LRRC66: variants seen among roughly 807,000 people sequenced by gnomAD.
LRRC66 encodes leucine-rich repeat-containing protein 66.
Under a neutral mutation model 24.6 loss-of-function variants are expected in LRRC66, and 29 were observed. The observed-to-expected ratio is 1.18, with a 90% confidence interval of 0.88 to 1.61. LRRC66 has a LOEUF of 1.61. Ranked by LOEUF, LRRC66 falls within the 40% of genes most tolerant of loss-of-function variation. LRRC66 has a pLI of 0.00. For synonymous variants in LRRC66, 411 were observed against 397.6 expected, an observed-to-expected ratio of 1.03 and a Z score of -0.40; for missense variants, 1,124 against 1,058.0, an observed-to-expected ratio of 1.06 and a Z score of -0.87.
At chr4:52,006,919 A>G (rs1736600188) in intron 2 of LRRC66, among the ~76,000 whole-genome samples, 1 of 152,152 alleles carries the variant, frequency 6.6e-6, no homozygotes. Flanking sequence ...AACTTGCCCA[A>G]CAACACCATG....
chr4:51,995,659 G>A lies in LRRC66; in HGVS notation c.1363C>T (p.Gln455Ter). ...GGCTGTGTCACCCAGAAAGGGGTCT[G>A]GTTCTCGTAGAGGCTTAGATGAGGA... Reference protein sequence around the residue: ...VFPHLSLYENQTPFWVTQPHP... With the variant: ...VFPHLSLYEN Residue 455 changes from glutamine to a stop codon, truncating the protein, a stop_gained, in exon 5 of 5, where the codon CAG (glutamine) becomes TAG (stop). Coordinates refer to ENST00000682860, the MANE Select transcript of LRRC66 (RefSeq NM_001024611.3). LOFTEE classifies it low-confidence loss of function (END_TRUNC). The A allele has an allele frequency of 6.2e-7, 1 of 1,614,144 alleles. No individual in the cohort carries two copies.
intron 1 of LRRC66, among the ~76,000 whole-genome samples, chr4:52,018,904 T>C (rs1319372124): frequency 6.6e-6 from 1 of 152,188 alleles, no homozygotes; most frequent in African/African-American, 2.4e-5. Context: ...AAGATGGAGT[T>C]TCGCTCTTGT....
At position 51,994,978 on chromosome 4, in the gene LRRC66, C is replaced by G; in HGVS notation, c.2044G>C (p.Ala682Pro). ...GATTTCTGCACTGGTTCCTTGTTAG[C>G]AGGAGTGACATCCAGGCCACTGTCC... ...RWDSGLDVTP[A>P]NKEPVQKSTP... is the part of the protein sequence containing the mutation. Residue 682 changes from alanine (A) to proline (P), a missense_variant, in exon 5 of 5, where the codon GCT becomes CCT. Physicochemically the swap from Ala to Pro is conservative, Grantham distance 27. Coordinates refer to ENST00000682860, the MANE Select transcript of LRRC66 (RefSeq NM_001024611.3). 6.2e-7 allele frequency: 1 copy of G among 1,614,146 alleles called. No homozygotes were observed. Among genetic ancestry groups the G allele is most frequent in the Non-Finnish European group, 8.5e-7 (1 of 1,180,044 alleles).
intron 1 of LRRC66, among the ~76,000 whole-genome samples, chr4:52,019,177 CCA>C (rs1175834335): frequency 2.0e-5 from 3 of 152,286 alleles, no homozygotes; most frequent in East Asian, 3.9e-4. Flanking sequence ...ACCCGGCCAG[CCA>C]CAGTCTTGTG....
intron 2 of LRRC66, among the ~76,000 whole-genome samples, chr4:52,015,342 G>A (rs1184263811): frequency 6.6e-6 from 1 of 152,066 alleles, no homozygotes; most frequent in Non-Finnish European, 1.5e-5. Context: ...AAAAAAAAAG[G>A]GAGAAGAAAT....
At chr4:52,015,844 T>A (rs998900868) in intron 2 of LRRC66, among the ~76,000 whole-genome samples, 2 of 152,218 alleles carry the variant, frequency 1.3e-5, no homozygotes, top group African/African-American at 4.8e-5. Context: ...ATAAAGTTAT[T>A]AAAATATTCT....
At position 51,997,803 on chromosome 4, in the gene LRRC66, AT is replaced by A; in HGVS notation, c.800del (p.Asn267IlefsTer19). 1 of 1,614,110 alleles carries A rather than the reference AT, an allele frequency of 6.2e-7. No individual in the cohort carries two copies. The highest frequency in any genetic ancestry group is 8.5e-7 in the Non-Finnish European group (1 of 1,180,000). ...TTTTCCTCCAGGATTCAGAAATAAA[AT>A]TTTGAAAGACTGCCACACTATCATC... ...QCDDSVAVFQ[N>X]FISESWRKKW... On this transcript the variant is annotated frameshift_variant, in exon 4 of 5. Coordinates refer to ENST00000682860, the MANE Select transcript of LRRC66 (RefSeq NM_001024611.3). LOFTEE classifies it high-confidence loss of function.
At position 51,994,794 on chromosome 4, in the gene LRRC66, C is replaced by T; in HGVS notation, c.2228G>A (p.Ser743Asn). 6.2e-7 allele frequency: 1 copy of T among 1,614,228 alleles called. No individual in the cohort carries two copies. Among genetic ancestry groups the T allele is most frequent in the Non-Finnish European group, 8.5e-7 (1 of 1,180,020 alleles). ...GTCTACAGCCGTCACATTGTCCTTG[C>T]TTGCCCCTGAGCTCTCGTCCTGCAG... ...ESLQDESSGA[S>N]KDNVTAVDSL... is the part of the protein sequence containing the mutation. The change falls in exon 5 of 5, where the codon AGC becomes AAC. Residue 743 changes from serine to asparagine, a missense_variant. Physicochemically the swap from Ser to Asn is conservative, Grantham distance 46. Coordinates refer to ENST00000682860, the MANE Select transcript of LRRC66 (RefSeq NM_001024611.3).
chr4:52,015,196 G>A (rs1003364890), intron 2 of LRRC66, among the ~76,000 whole-genome samples: 1 of 152,120 alleles, frequency 6.6e-6, no homozygotes, highest in Non-Finnish European at 1.5e-5. Context: ...ACAGAAAGTA[G>A]GCTCCACGTT....
rs78154220 is a variant in LRRC66, at chr4:51,994,773, A to G, written c.2249T>C (p.Val750Ala). Reference sequence around the variant, plus strand: ...GGTAACATTTTCCTCAAGACTGTCTACAGCCGTCACATTGTCCTTGCTTGC... The same window carrying G: ...GGTAACATTTTCCTCAAGACTGTCTGCAGCCGTCACATTGTCCTTGCTTGC... Reference protein sequence around the residue: ...SGASKDNVTAVDSLEENVTFQ... With the variant: ...SGASKDNVTAADSLEENVTFQ... The change falls in exon 5 of 5, where the codon GTA becomes GCA. Residue 750 changes from valine (V) to alanine (A), a missense_variant. Transcript: ENST00000682860. 3.1e-6 allele frequency: 5 copies of G among 1,614,226 alleles called. No homozygotes were observed. In the African/African-American group the frequency reaches 6.7e-5, roughly 22 times the overall value.
chr4:51,997,571 G>A (rs1323107055), intron 4 of LRRC66, among the ~76,000 whole-genome samples, 177 bp downstream of exon 4: 1 of 152,170 alleles, frequency 6.6e-6, no homozygotes, highest in Non-Finnish European at 1.5e-5. Context: ...TTGATGAACT[G>A]AGGAAAATAG....
chr4:52,004,206 A>G (rs897054601), intron 2 of LRRC66, among the ~76,000 whole-genome samples: 1 of 152,096 alleles, frequency 6.6e-6, no homozygotes, highest in African/African-American at 2.4e-5. Context: ...ACGGGGTTTC[A>G]CCATGTTGGT....
At chr4:52,000,643 A>G (rs1027370733) in intron 3 of LRRC66, among the ~76,000 whole-genome samples, 2 of 152,200 alleles carry the variant, frequency 1.3e-5, no homozygotes, top group African/African-American at 4.8e-5. Flanking sequence ...GAACAGCCCT[A>G]TGGAGAGGCC....
chr4:52,000,079 T>A (rs2110194109), intron 3 of LRRC66, among the ~76,000 whole-genome samples: 1 of 152,332 alleles, frequency 6.6e-6, no homozygotes, highest in South Asian at 2.1e-4. Flanking sequence ...GCTTTTTTGG[T>A]ACCAAATATG....
chr4:52,017,468 G>A lies in LRRC66; in HGVS notation c.146C>T (p.Thr49Ile), dbSNP rs199718867. Residue 49 changes from threonine to isoleucine, a missense_variant, in exon 2 of 5, where the codon ACC becomes ATC. Transcript: ENST00000682860. ...NEYILTNCSF[T>I]GKCDIPVDIS... ...GTCCACAGGTATATCACACTTTCCG[G>A]TAAAAGAACAATTTGTCAGAATATA... 6.2e-7 allele frequency: 1 copy of A among 1,613,988 alleles called. No homozygotes were observed. The highest frequency in any genetic ancestry group is 8.5e-7 in the Non-Finnish European group (1 of 1,179,976).
intron 2 of LRRC66, among the ~76,000 whole-genome samples, chr4:52,003,958 T>C (rs1736515348): frequency 1.3e-5 from 2 of 152,196 alleles, no homozygotes; most frequent in Non-Finnish European, 2.9e-5. Flanking sequence ...ATTGTTTTGA[T>C]GCTTTATCTA....
At chr4:52,010,527 T>C (rs984029028) in intron 2 of LRRC66, among the ~76,000 whole-genome samples, 1 of 152,184 alleles carries the variant, frequency 6.6e-6, no homozygotes, top group Non-Finnish European at 1.5e-5. Context: ...TTCCCATCTT[T>C]ACGTCTGTTT....
chr4:52,017,319 T>C lies in LRRC66; in HGVS notation c.295A>G (p.Lys99Glu). ...TATGCAAAAGGGCTTAAGGTTATTT[T>C]TGATATGAGATTGTTACTGAGGTCC... The part of the protein sequence containing the change: ...HLDLSNNLIS[K>E]ITLSPFAYLH... The change falls in exon 2 of 5, where the codon AAA (lysine) becomes GAA (glutamate). Residue 99 changes from lysine to glutamate, a missense_variant. Lys to Glu is a moderately conservative substitution (Grantham distance 56). Coordinates refer to ENST00000682860, the MANE Select transcript of LRRC66 (RefSeq NM_001024611.3). 6.2e-7 allele frequency: 1 copy of C among 1,614,170 alleles called. No homozygotes were observed. The highest frequency in any genetic ancestry group is 8.5e-7 in the Non-Finnish European group (1 of 1,180,010).
At chr4:52,013,818 G>T (rs1161819007) in intron 2 of LRRC66, among the ~76,000 whole-genome samples, 1 of 152,184 alleles carries the variant, frequency 6.6e-6, no homozygotes, top group African/African-American at 2.4e-5. Context: ...AGTTACAAAG[G>T]TTGCTTGATT....
Sources: allele counts gnomAD v4.1 joint callset (sites outside exome capture counted in the v4.1 genomes callset), GRCh38; gene constraint gnomAD v4.1.1; transcripts MANE v1.5; gene names NCBI Gene and HGNC (gene_info 2026-07-23, HGNC 2026-07-21).